The following NPIPB2 variants were observed in gnomAD, a reference collection of about 807,000 sequenced individuals.
The protein encoded by NPIPB2 is nuclear pore complex interacting protein family member B2, also known as nuclear pore complex-interacting protein family member B2.
A neutral mutation model predicts 30.8 loss-of-function variants in NPIPB2; 27 were observed. That is an observed-to-expected ratio of 0.88 (90% CI 0.65 to 1.21). NPIPB2 has a LOEUF of 1.21. NPIPB2 is among the 50% of genes most tolerant of loss of function. The pLI is 0.00. For missense variants in NPIPB2, 440 were observed against 446.2 expected, an observed-to-expected ratio of 0.99 and a Z score of 0.13; for synonymous variants, 147 against 162.0, an observed-to-expected ratio of 0.91 and a Z score of 0.70.
intron 2 of NPIPB2, among the ~76,000 whole-genome samples, chr16:11,935,566 A>G (rs1446396960): frequency 1.3e-5 from 2 of 152,174 alleles, no homozygotes; most frequent in Non-Finnish European, 2.9e-5. Flanking sequence ...CATCTGCTTC[A>G]GCCTCCCAAA....
chr16:11,944,156 A>G (rs1300918650), upstream of NPIPB2, among the ~76,000 whole-genome samples: 1 of 151,642 alleles, frequency 6.6e-6, no homozygotes, highest in East Asian at 2.0e-4. Context: ...CCTGTGATAC[A>G]GATGATAAAC....
intron 1 of NPIPB2, chr16:11,968,833 A>C (rs1319135599): frequency 1.3e-5 from 2 of 151,600 alleles, no homozygotes; most frequent in African/African-American, 4.8e-5. Context: ...AAAAAACAGC[A>C]TTCTGTAGAT....
At chr16:11,933,468 G>A (rs189221270) in intron 4 of NPIPB2, 49 bp downstream of exon 4, 1 of 1,595,224 alleles carries the variant, frequency 6.3e-7, no homozygotes, top group Non-Finnish European at 8.5e-7. Context: ...TGTCTACTTT[G>A]ATTGGCACAT....
intron 1 of NPIPB2, among the ~76,000 whole-genome samples, chr16:11,971,821 C>T (rs2055237396): frequency 6.6e-6 from 1 of 151,930 alleles, no homozygotes; most frequent in Non-Finnish European, 1.5e-5. Context: ...TTCTGATTGG[C>T]AATTGGTTGA....
intron 2 of NPIPB2, among the ~76,000 whole-genome samples, chr16:11,934,961 G>A (rs2054846103): frequency 6.9e-6 from 1 of 144,044 alleles, no homozygotes; most frequent in Non-Finnish European, 1.5e-5. Context: ...TTTACCACAG[G>A]TTAACATGTT....
intron 1 of NPIPB2, among the ~76,000 whole-genome samples, chr16:11,957,838 G>A (rs551472302): frequency 2.6e-4 from 39 of 152,282 alleles, no homozygotes; most frequent in Non-Finnish European, 3.5e-4. Context: ...CCTGCCCTGC[G>A]GAGTTTGGAC....
At chr16:11,937,653 C>A (rs1414944361) in exon 2 of NPIPB2, 1 of 1,598,900 alleles carries the variant, frequency 6.3e-7, no homozygotes, top group Non-Finnish European at 8.5e-7. Context: ...TGATGGTCAG[C>A]CAGAGTATTG....
At chr16:11,937,968 C>T (rs896515011) in intron 1 of NPIPB2, among the ~76,000 whole-genome samples, 1 of 152,084 alleles carries the variant, frequency 6.6e-6, no homozygotes, top group African/African-American at 2.4e-5. Context: ...TGTCTTGAGC[C>T]ACACATAACA....
intron 7 of NPIPB2, chr16:11,928,763 T>TC: frequency 1.2e-4 from 2 of 16,084 alleles, no homozygotes; most frequent in Admixed American, 1.4e-3. Context: ...AAGAATACTT[T>TC]TGTCCATGGA....
chr16:11,943,955 G>A (rs558449068), upstream of NPIPB2, among the ~76,000 whole-genome samples: 29 of 112,432 alleles, frequency 2.6e-4, no homozygotes, highest in African/African-American at 6.8e-4. Context: ...CCGAGATCGC[G>A]CCACTGCACT....
intron 1 of NPIPB2, among the ~76,000 whole-genome samples, chr16:11,955,210 T>C (rs2055099763): frequency 2.6e-5 from 4 of 151,138 alleles, no homozygotes; most frequent in African/African-American, 7.3e-5. Context: ...AAAAATTAGC[T>C]GGCCGTCGTG....
At chr16:11,930,492 T>A in exon 5 of NPIPB2, 1 of 1,585,368 alleles carries the variant, frequency 6.3e-7, no homozygotes, top group Non-Finnish European at 8.5e-7. Context: ...CCCATTTTCC[T>A]CTGCCTCTGA....
chr16:11,950,459 C>G (rs1170142060), intron 1 of NPIPB2, among the ~76,000 whole-genome samples: 1 of 152,156 alleles, frequency 6.6e-6, no homozygotes, highest in Non-Finnish European at 1.5e-5. Context: ...CCTGAACCAC[C>G]ATGCCCGCTA....
chr16:11,934,056 C>T, intron 2 of NPIPB2, 132 bp from the exon 3 acceptor site: 1 of 684,470 alleles, frequency 1.5e-6, no homozygotes, highest in Non-Finnish European at 2.6e-6. Flanking sequence ...GATGGTGAAA[C>T]CCCGTCTCTA....
rs544861502 is a variant in NPIPB2, at chr16:11,970,951, T to G, written c.-584+5617A>C. Among the ~76,000 whole-genome samples, 33 of 151,918 alleles carry G rather than the reference T, an allele frequency of 2.2e-4. No individual in the cohort carries two copies. In the South Asian group the frequency reaches 2.9e-3, roughly 13 times the overall value. On this transcript the variant is annotated intron_variant, in intron 1 of 5. Transcript: ENST00000538896. ...TCACTGCAGCCTCGACCTCTGGGGC[T>G]CAGGTGACCCTCCCACCTCAGGCTC... is the stretch of plus-strand genomic sequence containing the variant.
chr16:11,950,758 G>A (rs879706053), intron 1 of NPIPB2, among the ~76,000 whole-genome samples: 12 of 151,922 alleles, frequency 7.9e-5, no homozygotes, highest in Non-Finnish European at 1.6e-4. Flanking sequence ...TATTTACCAA[G>A]TAGATATCAT....
intron 1 of NPIPB2, chr16:11,966,306 A>G (rs373496): frequency 0.98 from 1,586,922 of 1,613,932 alleles, 780,504 homozygotes; most frequent in East Asian, 1. Flanking sequence ...AGGAAGATAA[A>G]CTCTGAACCA....
chr16:11,974,883 C>G (rs1271474287), intron 1 of NPIPB2, among the ~76,000 whole-genome samples: 1 of 151,874 alleles, frequency 6.6e-6, no homozygotes, highest in African/African-American at 2.4e-5. Context: ...ACCATCCTGG[C>G]TAACACGTTG....
chr16:11,941,892 C>T, intron 1 of NPIPB2, 91 bp downstream of exon 1: 1 of 942,288 alleles, frequency 1.1e-6, no homozygotes, highest in Non-Finnish European at 1.6e-6. Flanking sequence ...GGCGCTCCTT[C>T]CTTCCTGAGC....
Sources: gnomAD v4.1 joint callset for allele counts (sites outside exome capture counted in the v4.1 genomes callset) on GRCh38, gnomAD v4.1.1 for gene constraint, MANE v1.5 for transcripts, NCBI Gene and HGNC (gene_info 2026-07-23, HGNC 2026-07-21) for gene names.